The following MAP3K1 variants were observed in gnomAD, a reference collection of about 807,000 sequenced individuals.
MAP3K1 encodes the protein mitogen-activated protein kinase kinase kinase 1.
A neutral mutation model predicts 144.2 loss-of-function variants in MAP3K1; 36 were observed. The observed-to-expected ratio is 0.25, with a 90% CI of 0.19 to 0.33. MAP3K1 has a LOEUF of 0.33. Among genes scored for constraint, MAP3K1 ranks in the 10% least tolerant of loss-of-function variants. The pLI, the probability that MAP3K1 is intolerant of heterozygous loss-of-function variation, is 1.00. For synonymous variants in MAP3K1, 718 were observed against 688.7 expected, an observed-to-expected ratio of 1.04 and a Z score of -0.67; for missense variants, 1,650 against 1,881.9, an observed-to-expected ratio of 0.88 and a Z score of 2.28.
intron 18 of MAP3K1, 73 bp downstream of exon 18, chr5:56,887,593 C>G (rs1186782844): frequency 4.0e-6 from 6 of 1,498,474 alleles, no homozygotes; most frequent in South Asian, 1.1e-5. Context: ...ACTAAATTAT[C>G]TTGCAGTGGT....
chr5:56,844,010 G>C (rs1261256999), intron 1 of MAP3K1, among the ~76,000 whole-genome samples: 1 of 152,082 alleles, frequency 6.6e-6, no homozygotes, highest in African/African-American at 2.4e-5. Flanking sequence ...GCAAGTGAAT[G>C]TGAGGAATGC....
chr5:56,855,352 T>G (rs1224141274), intron 1 of MAP3K1, among the ~76,000 whole-genome samples: 2 of 152,208 alleles, frequency 1.3e-5, no homozygotes, highest in African/African-American at 4.8e-5. Context: ...TATTTGTGTG[T>G]GTATGTGTGT....
chr5:56,893,141 A>C (rs1748598918), intron 19 of MAP3K1, among the ~76,000 whole-genome samples: 1 of 152,184 alleles, frequency 6.6e-6, no homozygotes, highest in Admixed American at 6.6e-5. Flanking sequence ...TCTTAATCTA[A>C]ATAGCTCTGT....
intron 3 of MAP3K1, among the ~76,000 whole-genome samples, chr5:56,862,507 A>G (rs571279698): frequency 2.0e-5 from 3 of 152,322 alleles, no homozygotes; most frequent in Admixed American, 2.0e-4. Flanking sequence ...CACTTTGGGC[A>G]TATATGCTAG....
intron 1 of MAP3K1, among the ~76,000 whole-genome samples, chr5:56,844,572 C>G (rs991393074): frequency 6.6e-6 from 1 of 152,040 alleles, no homozygotes; most frequent in African/African-American, 2.4e-5. Context: ...TAAAATTATT[C>G]AGGCATCACC....
intron 1 of MAP3K1, among the ~76,000 whole-genome samples, chr5:56,834,097 T>C (rs1355161079): frequency 1.3e-5 from 2 of 151,694 alleles, no homozygotes; most frequent in Non-Finnish European, 2.9e-5. Context: ...TAAATATCTT[T>C]ATCCTTAACT....
chr5:56,821,718 T>G (rs560042397), intron 1 of MAP3K1, among the ~76,000 whole-genome samples: 1 of 152,298 alleles, frequency 6.6e-6, no homozygotes, highest in Admixed American at 6.5e-5. Flanking sequence ...ATAATTTAAG[T>G]TATATGTTAA....
At chr5:56,844,265 C>T (rs370272459) in intron 1 of MAP3K1, among the ~76,000 whole-genome samples, 12 of 144,470 alleles carry the variant, frequency 8.3e-5, no homozygotes, top group East Asian at 2.0e-4. Context: ...CTGCAAGCTC[C>T]GCCTCCTGGG....
At chr5:56,834,540 C>T (rs1003581556) in intron 1 of MAP3K1, among the ~76,000 whole-genome samples, 1 of 152,034 alleles carries the variant, frequency 6.6e-6, no homozygotes, top group African/African-American at 2.4e-5. Flanking sequence ...GGTAAAACCC[C>T]GTCTGTACTG....
intron 14 of MAP3K1, 87 bp from the exon 15 acceptor site, chr5:56,883,440 G>C: frequency 1.5e-6 from 2 of 1,336,792 alleles, no homozygotes; most frequent in South Asian, 2.4e-5. Flanking sequence ...TGGGAAGCCA[G>C]ACTGAATAAG....
Position 56,815,595 on chromosome 5 carries a change from C to G in MAP3K1, c.22C>G (p.Arg8Gly). The G allele has an allele frequency of 1.5e-6, 2 of 1,301,200 alleles. No individual in the cohort carries two copies. The highest frequency in any genetic ancestry group is 1.9e-6 in the Non-Finnish European group (2 of 1,026,756). 80.6% of individuals were successfully genotyped at this position (1,301,200 alleles called of 1,614,324 possible). A position where few individuals can be genotyped will look rare whatever the true frequency, so the allele number is the denominator to read the frequency against. The change falls in exon 1 of 20, where the codon CGC (arginine) becomes GGC (glycine). Residue 8 changes from arginine (R) to glycine (G), a missense_variant. Physicochemically the swap from Arg to Gly is moderately radical, Grantham distance 125 (BLOSUM62 -2). Around this residue, in one of 6 missense-constraint regions of MAP3K1, gnomAD observed 360 missense variants for 274.7 expected, o/e 1.31. Transcript: ENST00000399503. MAAAAGN[R>G]ASSSGFPGAR... ...GAAAATGGCGGCGGCGGCGGGGAAT[C>G]GCGCCTCGTCGTCGGGATTCCCGGG...
chr5:56,881,872 A>C lies in MAP3K1; in HGVS notation c.2672A>C (p.Asn891Thr), dbSNP rs768354073. 1 of 1,614,142 alleles carries C rather than the reference A, an allele frequency of 6.2e-7. No homozygotes were observed. Among genetic ancestry groups the C allele is most frequent in the Non-Finnish European group, 8.5e-7 (1 of 1,180,018 alleles). The change falls in exon 14 of 20, where the codon AAC (asparagine) becomes ACC (threonine). Residue 891 changes from asparagine to threonine, a missense_variant. Physicochemically the swap from Asn to Thr is moderately conservative, Grantham distance 65 (BLOSUM62 0). Coordinates refer to ENST00000399503, the MANE Select transcript of MAP3K1 (RefSeq NM_005921.2). ...AGCTTCTTGCAGGCATCTGTTCCCA[A>C]CAACTATCTGGAAACCACAGAGAAC... ...QDSFLQASVP[N>T]NYLETTENSS...
At chr5:56,866,356 T>G (rs1008038694) in intron 6 of MAP3K1, among the ~76,000 whole-genome samples, 2 of 152,132 alleles carry the variant, frequency 1.3e-5, no homozygotes, top group Non-Finnish European at 2.9e-5. Flanking sequence ...TCCAGTGACC[T>G]ATGATCGCAC....
chr5:56,833,764 G>T (rs984053466), intron 1 of MAP3K1, among the ~76,000 whole-genome samples: 8 of 151,822 alleles, frequency 5.3e-5, no homozygotes, highest in African/African-American at 1.9e-4. Context: ...ATTATTCTTG[G>T]TTGGTAATGC....
At chr5:56,853,177 G>C (rs1054503338) in intron 1 of MAP3K1, among the ~76,000 whole-genome samples, 1 of 152,072 alleles carries the variant, frequency 6.6e-6, no homozygotes, top group African/African-American at 2.4e-5. Flanking sequence ...ACACCTGCCA[G>C]TTAAATTATA....
At chr5:56,833,840 T>C (rs1746567287) in intron 1 of MAP3K1, among the ~76,000 whole-genome samples, 1 of 152,176 alleles carries the variant, frequency 6.6e-6, no homozygotes, top group Non-Finnish European at 1.5e-5. Context: ...CTAGATGGAC[T>C]TCTGTTCATT....
intron 19 of MAP3K1, among the ~76,000 whole-genome samples, chr5:56,892,799 G>GCT (rs1424558695): frequency 6.6e-6 from 1 of 152,076 alleles, no homozygotes; most frequent in African/African-American, 2.4e-5. Flanking sequence ...CATAATGGGT[G>GCT]CTCAAAAATT....
At chr5:56,854,423 A>G (rs527550812) in intron 1 of MAP3K1, among the ~76,000 whole-genome samples, 19 of 106,734 alleles carry the variant, frequency 1.8e-4, no homozygotes, top group African/African-American at 7.2e-4. Context: ...CAAGAGCTAA[A>G]CTCCATCTCA....
chr5:56,817,014 C>T (rs1581200472), intron 1 of MAP3K1: 6 of 973,044 alleles, frequency 6.2e-6, no homozygotes, highest in Non-Finnish European at 7.3e-6. Flanking sequence ...GCTTCCTGCT[C>T]GGTGCCCTGG....
Sources: gnomAD v4.1 joint callset for allele counts (sites outside exome capture counted in the v4.1 genomes callset) on GRCh38, gnomAD v4.1.1 for gene constraint, gnomAD v4.1.1 regional missense constraint, MANE v1.5 for transcripts, NCBI Gene and HGNC (gene_info 2026-07-23, HGNC 2026-07-21) for gene names.